MME: variants seen among roughly 807,000 people sequenced by gnomAD.
MME encodes neprilysin.
A neutral mutation model predicts 113.2 loss-of-function variants in MME; 98 were observed. The observed-to-expected ratio is 0.87, with a 90% confidence interval of 0.74 to 1.02. MME has a LOEUF of 1.02. MME is among the 50% of genes least tolerant of loss of function. MME has a pLI of 0.00. For synonymous variants in MME, 292 were observed against 300.6 expected (o/e 0.97, Z 0.30); for missense variants, 836 against 896.0 (o/e 0.93, Z 0.86).
At chr3:155,106,002 G>C (rs921281766) in intron 3 of MME, among the ~76,000 whole-genome samples, 2 of 152,110 alleles carry the variant, frequency 1.3e-5, no homozygotes, top group African/African-American at 2.4e-5. Flanking sequence ...ATGCATATTT[G>C]TTGTATGTAT....
chr3:155,100,716 A>C (rs1717133332), intron 3 of MME, among the ~76,000 whole-genome samples: 1 of 152,172 alleles, frequency 6.6e-6, no homozygotes, highest in Admixed American at 6.5e-5. Context: ...TGAATATTTT[A>C]ATAGCTACTA....
chr3:155,089,882 C>G (rs777354428), intron 3 of MME: 10 of 451,544 alleles, frequency 2.2e-5, no homozygotes, highest in Non-Finnish European at 4.0e-5. Context: ...ATTGCTTGAA[C>G]CCAGGAGGCA....
At chr3:155,079,948 C>T (rs1165797059), upstream of MME, 1 of 152,528 alleles carries the variant, frequency 6.6e-6, no homozygotes, top group Non-Finnish European at 1.5e-5. Flanking sequence ...CCCGTGCGCT[C>T]ATTGGTCGGG....
chr3:155,164,901 T>C (rs1369868802), intron 17 of MME, among the ~76,000 whole-genome samples: 1 of 152,174 alleles, frequency 6.6e-6, no homozygotes, highest in East Asian at 1.9e-4. Flanking sequence ...TGGGGAGCAA[T>C]TAAATTGCTC....
chr3:155,034,383 C>A (rs61281054), intron 1 of MME, among the ~76,000 whole-genome samples: 8,110 of 152,160 alleles, frequency 0.053, 638 homozygotes, highest in African/African-American at 0.17. Context: ...TAAATAATTT[C>A]CTTTATACCT....
chr3:155,112,141 G>A (rs1476554433), intron 3 of MME, among the ~76,000 whole-genome samples: 1 of 152,166 alleles, frequency 6.6e-6, no homozygotes, highest in Non-Finnish European at 1.5e-5. Context: ...TAGGCTCTGT[G>A]AGAGAGAATA....
In MME at chr3:155,180,606, A is replaced by G; in HGVS notation, c.*147A>G. The G allele has an allele frequency of 1.4e-6, 1 of 707,348 alleles. No individual in the cohort carries two copies. The allele number at this position is 707,348 out of a possible 1,614,324, so 43.8% of individuals were successfully genotyped here. ...AGAGGGCACCATCACAATACAGATA[A>G]CATTAGGTTGTCCTAGAAAGGGTGT... On this transcript the variant is annotated 3_prime_UTR_variant, in exon 23 of 23. Coordinates refer to ENST00000360490, the MANE Select transcript of MME (RefSeq NM_007289.4).
intron 1 of MME, among the ~76,000 whole-genome samples, chr3:155,064,641 A>G (rs1249882085): frequency 6.6e-6 from 1 of 152,208 alleles, no homozygotes; most frequent in Non-Finnish European, 1.5e-5. Context: ...CTTTGAACAT[A>G]CTGTTACCTT....
At chr3:155,099,920 G>A (rs1252807959) in intron 3 of MME, among the ~76,000 whole-genome samples, 1 of 152,158 alleles carries the variant, frequency 6.6e-6, no homozygotes, top group African/African-American at 2.4e-5. Context: ...ACCCAGTAAT[G>A]GGATGGCTGG....
At chr3:155,167,260 G>T (rs867737873) in intron 18 of MME, among the ~76,000 whole-genome samples, 26 of 152,088 alleles carry the variant, frequency 1.7e-4, no homozygotes, top group African/African-American at 6.0e-4. Flanking sequence ...TTCCCATTGG[G>T]AAAATACTAT....
At chr3:155,062,930 G>T (rs1345118205) in intron 1 of MME, among the ~76,000 whole-genome samples, 1 of 149,534 alleles carries the variant, frequency 6.7e-6, no homozygotes, top group South Asian at 2.1e-4. Flanking sequence ...CAGCTACTCG[G>T]AAGGCTGAGG....
chr3:155,096,712 G>GTTGT (rs368508396), intron 3 of MME, among the ~76,000 whole-genome samples: 104 of 152,172 alleles, frequency 6.8e-4, no homozygotes, highest in African/African-American at 2.0e-3. Flanking sequence ...TGTTGTTGCT[G>GTTGT]TTGTTTGTTT....
At chr3:155,150,862 C>T (rs760915189) in intron 16 of MME, among the ~76,000 whole-genome samples, 3 of 152,098 alleles carry the variant, frequency 2.0e-5, no homozygotes, top group African/African-American at 7.2e-5. Context: ...ATCAGAAACC[C>T]TCTGACAGTA....
chr3:155,064,212 C>A (rs1485189086), intron 1 of MME, among the ~76,000 whole-genome samples: 4 of 152,008 alleles, frequency 2.6e-5, no homozygotes, highest in Non-Finnish European at 5.9e-5. Context: ...TCGCTTGAAC[C>A]TGGGAGGTGG....
chr3:155,147,695 G>A (rs959445888), intron 15 of MME, among the ~76,000 whole-genome samples: 1 of 151,988 alleles, frequency 6.6e-6, no homozygotes, highest in African/African-American at 2.4e-5. Context: ...TAATGTAACA[G>A]TTAAAAGAGC....
intron 8 of MME, among the ~76,000 whole-genome samples, chr3:155,134,503 G>T (rs913485973): frequency 2.6e-5 from 4 of 152,098 alleles, no homozygotes; most frequent in Admixed American, 6.6e-5. Flanking sequence ...GTATTCCAGG[G>T]TGTATATGTA....
chr3:155,154,936 T>C (rs574864750), intron 16 of MME, among the ~76,000 whole-genome samples: 1 of 152,304 alleles, frequency 6.6e-6, no homozygotes, highest in East Asian at 1.9e-4. Context: ...ACACTAAACT[T>C]GAACAAATCA....
chr3:155,109,751 C>T (rs550555699), intron 3 of MME, among the ~76,000 whole-genome samples: 31 of 152,166 alleles, frequency 2.0e-4, no homozygotes, highest in African/African-American at 2.9e-4. Context: ...TCTGGGCATC[C>T]GTGTGTCTAA....
At chr3:155,116,265 G>T (rs1039118272) in intron 4 of MME, among the ~76,000 whole-genome samples, 3 of 151,586 alleles carry the variant, frequency 2.0e-5, no homozygotes, top group African/African-American at 7.3e-5. Context: ...CTGACTCCCA[G>T]TTCTGTGCTA....
Sources: gnomAD v4.1 joint callset for allele counts (sites outside exome capture counted in the v4.1 genomes callset) on GRCh38, gnomAD v4.1.1 for gene constraint, MANE v1.5 for transcripts, NCBI Gene and HGNC (gene_info 2026-07-23, HGNC 2026-07-21) for gene names.